Variants in C20orf96 observed in about 807,000 individuals in gnomAD.
The protein encoded by C20orf96 is uncharacterized protein C20orf96.
In C20orf96, 57 loss-of-function variants were observed where a neutral mutation model predicts 52.6. That is an observed-to-expected ratio of 1.08 (90% CI 0.88 to 1.35). The LOEUF is 1.35. Among genes scored for constraint, C20orf96 ranks in the 40% most tolerant of loss-of-function variants. The pLI, the probability that C20orf96 is intolerant of heterozygous loss-of-function variation, is 0.00. For missense variants in C20orf96, 478 were observed against 443.6 expected (o/e 1.08, Z -0.70); for synonymous variants, 168 against 157.2 (o/e 1.07, Z -0.51).
rs1166705386 is a variant in C20orf96, at chr20:289,594, G to T, written c.152C>A (p.Thr51Lys). 3.1e-6 allele frequency: 5 copies of T among 1,613,918 alleles called. No individual in the cohort carries two copies. The Admixed American group carries it at 8.3e-5, about 27-fold the overall frequency. The change falls in exon 3 of 11, where the codon ACA becomes AAA. Residue 51 changes from threonine to lysine, a missense_variant. Physicochemically the swap from Thr to Lys is moderately conservative, Grantham distance 78 (BLOSUM62 -1). Coordinates refer to ENST00000360321, the MANE Select transcript of C20orf96 (RefSeq NM_153269.3). ...CCTAGTCAAAGTCTTCATTTTGCTT[G>T]TATGAAGGCTGTTGGCTTGTTGGAC... ...PPVQQANSLH[T>K]SKMKTLTRVQ...
intron 2 of C20orf96, among the ~76,000 whole-genome samples, chr20:289,918 G>A (rs1181582760): frequency 1.3e-5 from 2 of 152,150 alleles, no homozygotes; most frequent in Non-Finnish European, 1.5e-5. Flanking sequence ...AAATCAGCCA[G>A]CCAGAATTTA....
chr20:287,100 T>C (rs1444295006), intron 3 of C20orf96, among the ~76,000 whole-genome samples: 1 of 152,236 alleles, frequency 6.6e-6, no homozygotes. Context: ...TTTTGAGGAA[T>C]TATGAACGAG....
intron 3 of C20orf96, 107 bp downstream of exon 3, chr20:289,452 T>C (rs573433059): frequency 2.7e-6 from 2 of 732,290 alleles, no homozygotes; most frequent in Non-Finnish European, 5.0e-6. Flanking sequence ...GCATTGTTTA[T>C]TACATCAGTT....
chr20:273,855 A>T (rs1191550510), intron 10 of C20orf96, among the ~76,000 whole-genome samples: 2 of 128,034 alleles, frequency 1.6e-5, no homozygotes, highest in African/African-American at 6.1e-5. Context: ...CCAGCCTGGG[A>T]GACAGAGCTA....
intron 3 of C20orf96, among the ~76,000 whole-genome samples, chr20:285,882 C>T (rs1331422970): frequency 6.6e-6 from 1 of 152,100 alleles, no homozygotes; most frequent in Non-Finnish European, 1.5e-5. Flanking sequence ...CCAGATTACC[C>T]ATATTTAGAA....
intron 10 of C20orf96, among the ~76,000 whole-genome samples, chr20:272,428 G>A (rs1358058257): frequency 1.3e-5 from 2 of 152,206 alleles, no homozygotes; most frequent in Non-Finnish European, 2.9e-5. Context: ...ATGCAGTGGT[G>A]CAATCACAGC....
At chr20:284,888 A>T (rs1053683602) in intron 3 of C20orf96, among the ~76,000 whole-genome samples, 2 of 152,190 alleles carry the variant, frequency 1.3e-5, no homozygotes, top group Admixed American at 1.3e-4. Context: ...AAATTTTTAA[A>T]AATTCCAGGT....
intron 3 of C20orf96, among the ~76,000 whole-genome samples, chr20:288,182 T>C (rs1303731523): frequency 1.1e-4 from 15 of 136,978 alleles, no homozygotes; most frequent in African/African-American, 3.0e-4. Context: ...TTCTTTTTTT[T>C]TTTTTTTTTT....
chr20:276,350 C>T (rs2012023435), intron 9 of C20orf96: 3 of 985,232 alleles, frequency 3.0e-6, no homozygotes, highest in Non-Finnish European at 3.6e-6. Flanking sequence ...AATGCTCAAT[C>T]ATGGGAATGA....
intron 1 of C20orf96, 64 bp from the exon 2 acceptor site, chr20:290,371 A>G: frequency 6.3e-7 from 1 of 1,593,882 alleles, no homozygotes; most frequent in Non-Finnish European, 8.6e-7. Flanking sequence ...GCAAGCAGCA[A>G]TTCGAAACAG....
At chr20:274,816 TA>T (rs1477224036) in intron 10 of C20orf96, among the ~76,000 whole-genome samples, 1 of 142,848 alleles carries the variant, frequency 7.0e-6, no homozygotes, top group Non-Finnish European at 1.6e-5. Flanking sequence ...CTTTTTTTTT[TA>T]ATTAAAAAAA....
At chr20:280,397 T>TA (rs1409350849) in intron 4 of C20orf96, among the ~76,000 whole-genome samples, 1 of 149,204 alleles carries the variant, frequency 6.7e-6, no homozygotes, top group Non-Finnish European at 1.5e-5. Context: ...AAACCTACAG[T>TA]AACAATAACA....
At position 277,106 on chromosome 20, in the gene C20orf96, G is replaced by C. The variant is rs1309635540; in HGVS notation, c.763C>G (p.Leu255Val). ...DDLGEMRRKV[L>V]ESLSDKIQKK... ...TGAATCTTGTCAGACAAGGATTCCA[G>C]GACCTTTCTGCGCATCTCACCGAGG... Residue 255 changes from leucine (L) to valine (V), a missense_variant, in exon 8 of 11, where the codon CTG (leucine) becomes GTG (valine). By Grantham distance (32) the Leu-to-Val change is conservative (BLOSUM62 1). Transcript: ENST00000360321. The C allele has an allele frequency of 6.2e-7, 1 of 1,613,956 alleles. No homozygotes were observed. The highest frequency in any genetic ancestry group is 8.5e-7 in the Non-Finnish European group (1 of 1,179,928).
Position 289,615 on chromosome 20 carries a change from T to C in C20orf96, c.131A>G (p.Gln44Arg). ...ETKPSTLPPV[Q>R]QANSLHTSKM... ...GCTTGTATGAAGGCTGTTGGCTTGT[T>C]GGACTGGAGGCAGAGTAGATGGCTT... Residue 44 changes from glutamine (Q) to arginine (R), a missense_variant, in exon 3 of 11, where the codon CAA (glutamine) becomes CGA (arginine). Physicochemically the swap from Gln to Arg is conservative, Grantham distance 43. Transcript: ENST00000360321. The C allele has an allele frequency of 6.2e-7, 1 of 1,614,134 alleles. No homozygotes were observed. The highest frequency in any genetic ancestry group is 8.5e-7 in the Non-Finnish European group (1 of 1,179,986).
At chr20:289,756 G>A in intron 2 of C20orf96, 80 bp from the exon 3 acceptor site, 2 of 1,149,528 alleles carry the variant, frequency 1.7e-6, no homozygotes, top group Non-Finnish European at 1.3e-6. Context: ...GTGACCCCAA[G>A]CAAGTGACTT....
At chr20:288,030 T>C (rs567666714) in intron 3 of C20orf96, among the ~76,000 whole-genome samples, 1 of 151,620 alleles carries the variant, frequency 6.6e-6, no homozygotes, top group East Asian at 1.9e-4. Context: ...AACTCTTCAC[T>C]TGGCCCTAGG....
rs76347159 is a variant in C20orf96, at chr20:288,063, T to A, written c.187+1496A>T. Among the ~76,000 whole-genome samples, 1,162 of 151,828 alleles carry A rather than the reference T, an allele frequency of 7.7e-3. 11 individuals are homozygous for A. Among genetic ancestry groups the A allele is most frequent in the African/African-American group, 0.027 (1,101 of 41,522 alleles). ...AGGCCCCAAAGATTTTTCTCTCCTG[T>A]TTTCTTCTAAAAGTTTTTCAGTTTC... On this transcript the variant is annotated intron_variant, in intron 3 of 10. Transcript: ENST00000360321.
chr20:275,104 A>C (rs1350794216), intron 10 of C20orf96, among the ~76,000 whole-genome samples: 24 of 152,338 alleles, frequency 1.6e-4, no homozygotes, highest in Non-Finnish European at 4.4e-5. Context: ...GGCGTGAGCC[A>C]CTGCACCCAG....
chr20:274,067 G>A (rs2011939400), intron 10 of C20orf96, among the ~76,000 whole-genome samples: 3 of 152,056 alleles, frequency 2.0e-5, no homozygotes, highest in African/African-American at 2.4e-5. Flanking sequence ...AAAGAAAAAA[G>A]AAATGTAGAT....
Sources: allele counts gnomAD v4.1 joint callset (sites outside exome capture counted in the v4.1 genomes callset), GRCh38; gene constraint gnomAD v4.1.1; transcripts MANE v1.5; gene names NCBI Gene and HGNC (gene_info 2026-07-23, HGNC 2026-07-21).